DNAH11: variants seen among roughly 807,000 people sequenced by gnomAD.
The protein encoded by DNAH11 is dynein axonemal heavy chain 11.
A neutral mutation model predicts 526.0 loss-of-function variants in DNAH11; 442 were observed. The observed-to-expected ratio is 0.84, with a 90% CI of 0.78 to 0.91. The LOEUF (loss-of-function observed/expected upper bound fraction) is 0.91. DNAH11 is among the 40% of genes least tolerant of loss of function. The pLI is 0.00. For missense variants in DNAH11, 6,989 were observed against 5,448.7 expected (o/e 1.28, Z -8.90); for synonymous variants, 2,461 against 1,935.9 (o/e 1.27, Z -7.12).
At chr7:21,656,081 C>A (rs1782004418) in intron 29 of DNAH11, 100 bp downstream of exon 29, 2 of 1,349,886 alleles carry the variant, frequency 1.5e-6, no homozygotes, top group Non-Finnish European at 2.0e-6. Context: ...CAGGTCAAAT[C>A]AGGCTCTGCT....
chr7:21,712,774 A>G (rs1024118339), intron 42 of DNAH11, among the ~76,000 whole-genome samples: 2 of 152,230 alleles, frequency 1.3e-5, no homozygotes, highest in Non-Finnish European at 2.9e-5. Flanking sequence ...ATAAAATTCT[A>G]AATATCTATA....
At chr7:21,615,370 C>T in intron 21 of DNAH11, 98 bp downstream of exon 21, 1 of 1,359,908 alleles carries the variant, frequency 7.4e-7, no homozygotes, top group Non-Finnish European at 9.8e-7. Context: ...TTTATAATGT[C>T]TTGAAATATG....
intron 28 of DNAH11, among the ~76,000 whole-genome samples, chr7:21,648,878 A>G (rs926830971): frequency 6.6e-6 from 1 of 152,064 alleles, no homozygotes; most frequent in Non-Finnish European, 1.5e-5. Flanking sequence ...TATTTCTTTA[A>G]TTTTTTTCCC....
intron 28 of DNAH11, among the ~76,000 whole-genome samples, chr7:21,654,916 G>T (rs1583566776): frequency 6.6e-6 from 1 of 152,180 alleles, no homozygotes; most frequent in Admixed American, 6.5e-5. Context: ...GAGGAGGATT[G>T]TTCCGGTCTG....
At chr7:21,606,369 G>A (rs1238494456) in intron 18 of DNAH11, 57 bp from the exon 19 acceptor site, 20 of 1,324,478 alleles carry the variant, frequency 1.5e-5, no homozygotes, top group East Asian at 2.4e-5. Context: ...TAATCCTATA[G>A]GGTTGATTTG....
At chr7:21,545,274 T>TAAACAAA (rs1554306285) in intron 2 of DNAH11, 125 bp downstream of exon 2, 3 of 120,222 alleles carry the variant, frequency 2.5e-5, no homozygotes, top group Non-Finnish European at 4.1e-5. Flanking sequence ...TGGGGGTGGT[T>TAAACAAA]AAAAAAAAAA....
intron 61 of DNAH11, among the ~76,000 whole-genome samples, chr7:21,789,808 T>TCTTTCTTTCTTTCTTTC: frequency 4.7e-4 from 16 of 34,122 alleles, no homozygotes; most frequent in East Asian, 1.2e-3. Flanking sequence ...TTTCTTTCTT[T>TCTTTCTTTCTTTCTTTC]TTTCTTTCTT....
chr7:21,549,630 G>A (rs12055907), intron 2 of DNAH11, among the ~76,000 whole-genome samples: 5,524 of 152,202 alleles, frequency 0.036, 330 homozygotes, highest in East Asian at 0.29. Context: ...TCTCAATGGT[G>A]ATGAGTATAG....
rs1212704151 is a variant in DNAH11 at position 21,600,681 on chromosome 7, T to A, written c.3006T>A (p.Asp1002Glu). The part of the protein sequence containing the change: ...THLEIKNYQN[D>E]MDNMLGLAEV... ...TGTGTTTTCCTCTCATTTAGAATGA[T>A]ATGGATAACATGTTAGGCCTGGCAG... Residue 1002 changes from aspartate to glutamate, a missense_variant, in exon 16 of 82, where the codon GAT becomes GAA. Transcript: ENST00000409508. 2 of 1,606,998 alleles carry A rather than the reference T, an allele frequency of 1.2e-6. No homozygotes were observed. Among genetic ancestry groups the A allele is most frequent in the Non-Finnish European group, 1.7e-6 (2 of 1,176,052 alleles).
chr7:21,631,978 C>G (rs1213386215), intron 25 of DNAH11, among the ~76,000 whole-genome samples: 1 of 152,240 alleles, frequency 6.6e-6, no homozygotes, highest in East Asian at 1.9e-4. Context: ...AAACTTCTGC[C>G]TGGGCATCCA....
intron 55 of DNAH11, among the ~76,000 whole-genome samples, chr7:21,771,387 G>C (rs983472945): frequency 6.6e-6 from 1 of 152,188 alleles, no homozygotes; most frequent in African/African-American, 2.4e-5. Context: ...CTGGGCACTT[G>C]CTTGAAGTGC....
At chr7:21,615,802 A>C (rs1785746665) in intron 21 of DNAH11, among the ~76,000 whole-genome samples, 2 of 152,160 alleles carry the variant, frequency 1.3e-5, no homozygotes, top group Non-Finnish European at 2.9e-5. Context: ...CAAAATATAA[A>C]ATATGGTCAA....
intron 51 of DNAH11, among the ~76,000 whole-genome samples, chr7:21,746,503 T>C (rs913233346): frequency 6.6e-6 from 1 of 151,796 alleles, no homozygotes; most frequent in Non-Finnish European, 1.5e-5. Context: ...CACAGAAGGC[T>C]GAGGAGGGAG....
At chr7:21,673,884 A>T (rs1402915081) in intron 30 of DNAH11, among the ~76,000 whole-genome samples, 1 of 151,298 alleles carries the variant, frequency 6.6e-6, no homozygotes, top group Non-Finnish European at 1.5e-5. Context: ...ACTTCTTCAC[A>T]TACTCTGTTC....
chr7:21,725,933 C>G lies in DNAH11; in HGVS notation c.7389C>G (p.Pro2463=). 1.3e-6 allele frequency: 2 copies of G among 1,566,136 alleles called. No individual in the cohort carries two copies. Among genetic ancestry groups the G allele is most frequent in the Non-Finnish European group, 1.7e-6 (2 of 1,154,298 alleles). The change falls in exon 45 of 82, where the codon CCC becomes CCG. Residue 2463 remains proline, a synonymous_variant. Coordinates refer to ENST00000409508, the MANE Select transcript of DNAH11 (RefSeq NM_001277115.2). ...ACCACAAAACTAAGAAATTATTGCCCTGGGCTGACAAAATTGCCCAGTTTA... is the reference window on the plus strand; with the variant it reads ...ACCACAAAACTAAGAAATTATTGCCGTGGGCTGACAAAATTGCCCAGTTTA... ...YVDHKTKKLL[P]WADKIAQFTM...
chr7:21,729,782 A>G (rs184448504), intron 45 of DNAH11, among the ~76,000 whole-genome samples: 4 of 152,294 alleles, frequency 2.6e-5, no homozygotes, highest in East Asian at 1.9e-4. Flanking sequence ...AGTCTCTTCA[A>G]TGCAATCTAG....
intron 55 of DNAH11, among the ~76,000 whole-genome samples, chr7:21,770,610 A>G (rs1443163512): frequency 2.0e-5 from 3 of 152,214 alleles, no homozygotes; most frequent in African/African-American, 7.2e-5. Context: ...TGCCGCTGGT[A>G]AGGGGTACAT....
At position 21,769,641 on chromosome 7, in the gene DNAH11, C is replaced by A. The variant is rs376219275; in HGVS notation, c.9102+4052C>A. ...CTGGGACCACAGGTGCACACCACCA[C>A]GCCCTGCTAATTTTTGTACTTTTAG... On this transcript the variant is annotated intron_variant, in intron 55 of 81. Coordinates refer to ENST00000409508, the MANE Select transcript of DNAH11 (RefSeq NM_001277115.2). Among the ~76,000 whole-genome samples the A allele has an allele frequency of 1.4e-4, 21 of 152,008 alleles. 1 individual carries two copies. The highest frequency in any genetic ancestry group is 7.9e-4 in the Admixed American group (12 of 15,258).
intron 2 of DNAH11, among the ~76,000 whole-genome samples, chr7:21,545,703 T>C (rs1782782031): frequency 6.6e-6 from 1 of 152,250 alleles, no homozygotes; most frequent in Non-Finnish European, 1.5e-5. Flanking sequence ...CCAATGTTAC[T>C]GACACTTTAA....
Sources: allele counts gnomAD v4.1 joint callset (sites outside exome capture counted in the v4.1 genomes callset), GRCh38; gene constraint gnomAD v4.1.1; transcripts MANE v1.5; gene names NCBI Gene and HGNC (gene_info 2026-07-23, HGNC 2026-07-21).